METTL15: variants seen among roughly 807,000 people sequenced by gnomAD.
The protein encoded by METTL15 is 12S rRNA N(4)-cytidine methyltransferase METTL15.
In METTL15, 34 loss-of-function variants were observed where a neutral mutation model predicts 38.3. That is an observed-to-expected ratio of 0.89 (90% CI 0.68 to 1.18). The LOEUF (loss-of-function observed/expected upper bound fraction) is 1.18, where lower values mean the gene tolerates loss of function less well. Ranked by LOEUF, METTL15 falls within the 50% of genes most tolerant of loss-of-function variation. The pLI, the probability that METTL15 is intolerant of heterozygous loss-of-function variation, is 0.00. For missense variants in METTL15, 438 were observed against 498.4 expected (o/e 0.88, Z 1.15); for synonymous variants, 162 against 170.9 (o/e 0.95, Z 0.41).
chr11:28,292,645 A>C (rs1047945226), intron 5 of METTL15, among the ~76,000 whole-genome samples: 4 of 152,040 alleles, frequency 2.6e-5, no homozygotes, highest in South Asian at 2.1e-4. Context: ...CTGACTTCTA[A>C]AATGGTTGAA....
rs151237857 is a variant in METTL15 at position 28,476,472 on chromosome 11, G to A, written c.*425-50006G>A. Among the ~76,000 whole-genome samples the A allele has an allele frequency of 3.4e-3, 523 of 152,238 alleles. 2 individuals are homozygous for A. The highest frequency in any genetic ancestry group is 0.012 in the African/African-American group (512 of 41,538). The stretch of plus-strand genomic sequence containing the variant: ...TTTCCTTTCTGAGCTTGGCTGTGAG[G>A]TATTTGTATTCATCTTCCTTGCAAG... On this transcript the variant is annotated intron_variant and NMD_transcript_variant, in intron 6 of 7. Coordinates refer to the METTL15 transcript ENST00000532947.
At chr11:28,218,354 G>C (rs568287908) in intron 4 of METTL15, among the ~76,000 whole-genome samples, 30 of 151,962 alleles carry the variant, frequency 2.0e-4, no homozygotes, top group Non-Finnish European at 3.8e-4. Context: ...ATTTGGCTCT[G>C]TGTTTGTCTG....
At chr11:28,342,535 C>A (rs371297149) in intron 3 of METTL15, among the ~76,000 whole-genome samples, 103 of 152,032 alleles carry the variant, frequency 6.8e-4, no homozygotes, top group African/African-American at 2.3e-3. Flanking sequence ...AGTACTATAA[C>A]TACAGGCATG....
At chr11:28,182,479 G>A (rs1377839541) in intron 3 of METTL15, among the ~76,000 whole-genome samples, 1 of 151,960 alleles carries the variant, frequency 6.6e-6, no homozygotes, top group Non-Finnish European at 1.5e-5. Context: ...CCTAGGGCTA[G>A]CCTGTTTTCC....
intron 6 of METTL15, among the ~76,000 whole-genome samples, chr11:28,447,042 G>A (rs897665953): frequency 6.1e-4 from 83 of 136,974 alleles, no homozygotes; most frequent in Non-Finnish European, 3.2e-5. Flanking sequence ...TATAAAAAGA[G>A]CACAAAAGAG....
intron 3 of METTL15, chr11:28,163,551 C>G (rs77859171): frequency 0.016 from 5,067 of 308,252 alleles, 196 homozygotes; most frequent in African/African-American, 0.094. Flanking sequence ...CTCTCTCTCT[C>G]TGTGTGTGTG....
rs1852663123 is a variant in METTL15 at position 28,212,040 on chromosome 11, A to G, written c.407+842A>G. On this transcript the variant is annotated intron_variant, in intron 4 of 6. Coordinates refer to ENST00000407364, the MANE Select transcript of METTL15 (RefSeq NM_001113528.2). ...ACTAGTTGTAGCTATTCAACAACAA[A>G]ATGGTCTCTTTGGTGAAGTTCGAAA... Among the ~76,000 whole-genome samples, 5 of 152,062 alleles carry G rather than the reference A, an allele frequency of 3.3e-5. 1 individual carries two copies. Among genetic ancestry groups the G allele is most frequent in the Admixed American group, 3.3e-4 (5 of 15,264 alleles).
chr11:28,237,097 G>A (rs1021524956), intron 4 of METTL15, among the ~76,000 whole-genome samples: 2 of 152,052 alleles, frequency 1.3e-5, no homozygotes, highest in African/African-American at 4.8e-5. Context: ...TGCTCTTCTC[G>A]AGGAGTATCT....
chr11:28,407,692 T>C (rs1388334348), intron 5 of METTL15, among the ~76,000 whole-genome samples: 1 of 152,126 alleles, frequency 6.6e-6, no homozygotes. Context: ...ATAGGAATGC[T>C]TTTACGCTGT....
intron 4 of METTL15, among the ~76,000 whole-genome samples, chr11:28,267,061 GAC>G (rs750946669): frequency 1.3e-5 from 2 of 148,412 alleles, no homozygotes; most frequent in African/African-American, 2.5e-5. Context: ...TCAGGAGGCT[GAC>G]ACAGGAAAAT....
chr11:28,123,325 G>A lies in METTL15; in HGVS notation c.270+9721G>A, dbSNP rs1438940045. Among the ~76,000 whole-genome samples, 5 of 152,186 alleles carry A rather than the reference G, an allele frequency of 3.3e-5. No homozygotes were observed. In the East Asian group the frequency reaches 9.7e-4, roughly 29 times the overall value. ...TCCCCTAAGTTGCATGTTGTTTTAT[G>A]AAGAGTGGTAGGAAGTGTACCTTGA... On this transcript the variant is annotated intron_variant, in intron 3 of 6. Coordinates refer to ENST00000407364, the MANE Select transcript of METTL15 (RefSeq NM_001113528.2).
At chr11:28,300,517 A>G (rs1206269252) in intron 6 of METTL15, among the ~76,000 whole-genome samples, 1 of 152,176 alleles carries the variant, frequency 6.6e-6, no homozygotes, top group Non-Finnish European at 1.5e-5. Flanking sequence ...GTACTCTTCC[A>G]TATCATGGGA....
At chr11:28,294,483 C>T (rs370187283) in intron 5 of METTL15, among the ~76,000 whole-genome samples, 5 of 152,160 alleles carry the variant, frequency 3.3e-5, no homozygotes, top group East Asian at 3.9e-4. Flanking sequence ...ATTCCAATTT[C>T]AACAGCAGCT....
chr11:28,421,052 T>A (rs1850815974), intron 5 of METTL15, among the ~76,000 whole-genome samples: 1 of 151,762 alleles, frequency 6.6e-6, no homozygotes, highest in Non-Finnish European at 1.5e-5. Flanking sequence ...AAACTCAAAT[T>A]AATAGTCAAA....
intron 3 of METTL15, among the ~76,000 whole-genome samples, chr11:28,136,909 A>C (rs1849532823): frequency 6.6e-6 from 1 of 152,188 alleles, no homozygotes; most frequent in Admixed American, 6.5e-5. Context: ...GACTTAAAAA[A>C]AAAAAAGGTA....
chr11:28,430,582 C>T (rs1466492542), intron 6 of METTL15, among the ~76,000 whole-genome samples: 25 of 43,912 alleles, frequency 5.7e-4, no homozygotes, highest in Non-Finnish European at 1.2e-3. Context: ...CCAGCCGCCC[C>T]GTCCGGGAGG....
At chr11:28,389,609 A>G (rs770141655) in intron 5 of METTL15, among the ~76,000 whole-genome samples, 1 of 151,622 alleles carries the variant, frequency 6.6e-6, no homozygotes, top group African/African-American at 2.4e-5. Flanking sequence ...TATGTGCCAC[A>G]TTTTCTTAAT....
rs1854484358 is a variant in METTL15 at position 28,245,772 on chromosome 11, G to A, written c.407+34574G>A. Among the ~76,000 whole-genome samples the A allele has an allele frequency of 1.3e-5, 2 of 152,148 alleles. 1 individual carries two copies. Among genetic ancestry groups the A allele is most frequent in the South Asian group, 4.1e-4 (2 of 4,828 alleles). ...ACTTACAGTCATGGCGAAAGGTGAA[G>A]GGGAAGCAAGCGTGTCTTCACGTGG... is the stretch of plus-strand genomic sequence containing the variant. On this transcript the variant is annotated intron_variant, in intron 4 of 6. Coordinates refer to ENST00000407364, the MANE Select transcript of METTL15 (RefSeq NM_001113528.2).
intron 6 of METTL15, among the ~76,000 whole-genome samples, chr11:28,321,469 T>TAGTG (rs1252157170): frequency 6.6e-6 from 1 of 152,174 alleles, no homozygotes; most frequent in African/African-American, 2.4e-5. Flanking sequence ...TGCATAAACA[T>TAGTG]AGTGCTTGCA....
Sources: gnomAD v4.1 joint callset for allele counts (sites outside exome capture counted in the v4.1 genomes callset) on GRCh38, gnomAD v4.1.1 for gene constraint, MANE v1.5 for transcripts, NCBI Gene and HGNC (gene_info 2026-07-23, HGNC 2026-07-21) for gene names.